ZNF385D: variants seen among roughly 807,000 people sequenced by gnomAD.
The protein encoded by ZNF385D is zinc finger protein 385D, also known as zinc finger protein 659.
A neutral mutation model predicts 35.8 loss-of-function variants in ZNF385D; 15 were observed. The ratio of observed to expected loss-of-function variants is 0.42; its 90% CI spans 0.28 to 0.64. ZNF385D has a LOEUF of 0.64. Among genes scored for constraint, ZNF385D ranks in the 30% least tolerant of loss-of-function variants. The pLI, the probability that ZNF385D is intolerant of heterozygous loss-of-function variation, is 0.23. For synonymous variants in ZNF385D, 212 were observed against 186.8 expected, an observed-to-expected ratio of 1.13 and a Z score of -1.10; for missense variants, 474 against 494.6, an observed-to-expected ratio of 0.96 and a Z score of 0.39.
rs193225661 is a variant in ZNF385D, at chr3:21,415,127, A to G, written c.*6087T>C. ...AACTCTCTGACATCATTGTTTCTCA[A>G]TAGATTTATGTTGAACAATCCTATT... On this transcript the variant is annotated 3_prime_UTR_variant, in exon 8 of 8. Transcript: ENST00000281523. The G allele has an allele frequency of 6.6e-5, 10 of 152,266 alleles. No individual in the cohort carries two copies. The East Asian group carries it at 7.7e-4, about 12-fold the overall frequency. 9.4% of individuals were successfully genotyped at this position (152,266 alleles called of 1,614,324 possible).
At chr3:21,899,379 A>G (rs1699291268) in intron 3 of ZNF385D, among the ~76,000 whole-genome samples, 1 of 152,184 alleles carries the variant, frequency 6.6e-6, no homozygotes, top group Admixed American at 6.6e-5. Flanking sequence ...AAAAGAATCT[A>G]TTAGATCAGT....
At chr3:21,477,864 C>G (rs73046450) in intron 4 of ZNF385D, among the ~76,000 whole-genome samples, 2 of 152,228 alleles carry the variant, frequency 1.3e-5, no homozygotes, top group Non-Finnish European at 2.9e-5. Flanking sequence ...TGGATAGCCA[C>G]CAATTTTCTG....
rs577072293 is a variant in ZNF385D, at chr3:22,133,301, GT to G, written c.325+35515del. ...CTTCTTAATAACATGAAAATCTGAA[GT>G]TTAAAAAAGCAGTCTCCTCAGATTA... On this transcript the variant is annotated intron_variant, in intron 3 of 5. Transcript: ENST00000494108. Among the ~76,000 whole-genome samples, 593 of 151,988 alleles carry G rather than the reference GT, an allele frequency of 3.9e-3. 3 individuals are homozygous for G. Among genetic ancestry groups the G allele is most frequent in the African/African-American group, 0.014 (566 of 41,460 alleles).
chr3:21,969,562 G>A (rs1036106907), intron 3 of ZNF385D, among the ~76,000 whole-genome samples: 47 of 152,122 alleles, frequency 3.1e-4, no homozygotes, highest in Admixed American at 9.8e-4. Context: ...ATTAATACCC[G>A]CGGTGCTTGA....
chr3:21,851,360 C>T (rs1696377592), intron 3 of ZNF385D, among the ~76,000 whole-genome samples: 1 of 152,020 alleles, frequency 6.6e-6, no homozygotes, highest in Non-Finnish European at 1.5e-5. Flanking sequence ...AGTTTGGCAA[C>T]TTCTTGGAAA....
intron 3 of ZNF385D, among the ~76,000 whole-genome samples, chr3:21,916,177 T>C (rs1200395435): frequency 6.6e-6 from 1 of 152,054 alleles, no homozygotes; most frequent in Non-Finnish European, 1.5e-5. Context: ...ATTTTGTTAA[T>C]CACAATGCAA....
chr3:22,248,666 C>G (rs1458573873), intron 2 of ZNF385D, among the ~76,000 whole-genome samples: 1 of 152,094 alleles, frequency 6.6e-6, no homozygotes, highest in African/African-American at 2.4e-5. Context: ...TTCCATAACT[C>G]TACAGGGGAA....
intron 2 of ZNF385D, among the ~76,000 whole-genome samples, chr3:22,252,156 A>G (rs1167346685): frequency 1.3e-5 from 2 of 152,056 alleles, no homozygotes; most frequent in African/African-American, 4.8e-5. Flanking sequence ...AGACTGTGAT[A>G]ATATTATTTG....
intron 3 of ZNF385D, among the ~76,000 whole-genome samples, chr3:21,895,314 T>C (rs927787474): frequency 7.4e-6 from 1 of 134,950 alleles, no homozygotes; most frequent in African/African-American, 2.7e-5. Flanking sequence ...CACTGAAATG[T>C]GTGGCTTTTT....
At chr3:22,223,314 T>C (rs1427098442) in intron 2 of ZNF385D, among the ~76,000 whole-genome samples, 2 of 152,194 alleles carry the variant, frequency 1.3e-5, no homozygotes, top group East Asian at 3.8e-4. Flanking sequence ...GTTGTATAAG[T>C]TGTTGGCAAT....
chr3:21,731,268 T>C (rs1180818611), intron 1 of ZNF385D, among the ~76,000 whole-genome samples: 1 of 152,212 alleles, frequency 6.6e-6, no homozygotes, highest in Non-Finnish European at 1.5e-5. Flanking sequence ...ATTTTGTTAT[T>C]ATGAAGTGCA....
intron 3 of ZNF385D, among the ~76,000 whole-genome samples, chr3:21,768,171 C>T (rs1378525950): frequency 2.6e-5 from 4 of 151,890 alleles, no homozygotes; most frequent in African/African-American, 9.7e-5. Context: ...GGACTTAATG[C>T]CTGCATTTTG....
intron 3 of ZNF385D, among the ~76,000 whole-genome samples, chr3:22,133,078 T>C (rs1302744426): frequency 2.6e-5 from 4 of 152,282 alleles, no homozygotes; most frequent in Middle Eastern, 3.4e-3. Flanking sequence ...ACTTATTAAA[T>C]GAAAGTGCAG....
intron 2 of ZNF385D, among the ~76,000 whole-genome samples, chr3:22,205,791 G>T (rs150593903): frequency 6.6e-6 from 1 of 151,630 alleles, no homozygotes; most frequent in Non-Finnish European, 1.5e-5. Flanking sequence ...TTAAAACATA[G>T]TACCAGAGAA....
intron 1 of ZNF385D, among the ~76,000 whole-genome samples, chr3:21,738,450 A>G (rs1237650881): frequency 1.3e-5 from 2 of 152,200 alleles, no homozygotes; most frequent in African/African-American, 4.8e-5. Flanking sequence ...CCATACTTAC[A>G]AAAGTGGCTG....
chr3:22,128,244 G>C (rs1293592229), intron 3 of ZNF385D, among the ~76,000 whole-genome samples: 1 of 152,144 alleles, frequency 6.6e-6, no homozygotes, highest in Non-Finnish European at 1.5e-5. Context: ...TGAGAAATCT[G>C]CTGCCAGATG....
At chr3:22,029,535 C>T (rs1406091393) in intron 3 of ZNF385D, among the ~76,000 whole-genome samples, 2 of 152,162 alleles carry the variant, frequency 1.3e-5, no homozygotes, top group East Asian at 1.9e-4. Context: ...CCAGCTATAA[C>T]CACATGACCA....
chr3:22,000,251 G>T (rs1270297870), intron 3 of ZNF385D, among the ~76,000 whole-genome samples: 1 of 151,964 alleles, frequency 6.6e-6, no homozygotes, highest in Non-Finnish European at 1.5e-5. Flanking sequence ...CTTGCAGTGA[G>T]TGGAGATCAT....
At chr3:21,614,662 C>T (rs895991340) in intron 2 of ZNF385D, among the ~76,000 whole-genome samples, 1 of 152,198 alleles carries the variant, frequency 6.6e-6, no homozygotes, top group African/African-American at 2.4e-5. Flanking sequence ...GATCTCGGCT[C>T]ACTACAACCT....
Sources: allele counts gnomAD v4.1 joint callset (sites outside exome capture counted in the v4.1 genomes callset), GRCh38; gene constraint gnomAD v4.1.1; transcripts MANE v1.5; gene names NCBI Gene and HGNC (gene_info 2026-07-23, HGNC 2026-07-21).